GPR63: variants seen among roughly 807,000 people sequenced by gnomAD.
The protein encoded by GPR63 is G protein-coupled receptor 63, also known as probable G protein-coupled receptor 63.
A neutral mutation model predicts 23.1 loss-of-function variants in GPR63; 12 were observed. The observed-to-expected ratio is 0.52, with a 90% CI of 0.33 to 0.84. GPR63 has a LOEUF of 0.84. GPR63 is among the 40% of genes least tolerant of loss of function. GPR63 has a pLI of 0.02. For synonymous variants in GPR63, 172 were observed against 191.1 expected (o/e 0.90, Z 0.82); for missense variants, 472 against 515.6 (o/e 0.92, Z 0.82).
chr6:96,836,320 G>A (rs1242408021), intron 1 of GPR63, among the ~76,000 whole-genome samples: 1 of 152,096 alleles, frequency 6.6e-6, no homozygotes, highest in South Asian at 2.1e-4. Context: ...GAAACATGAG[G>A]TTTTTATCCA....
chr6:96,816,203 A>C (rs904271760), intron 1 of GPR63, among the ~76,000 whole-genome samples: 1 of 152,246 alleles, frequency 6.6e-6, no homozygotes, highest in Non-Finnish European at 1.5e-5. Context: ...CCATTGTTCG[A>C]AACAGTGTTC....
intron 1 of GPR63, among the ~76,000 whole-genome samples, chr6:96,809,705 A>C (rs548270097): frequency 6.6e-6 from 1 of 152,292 alleles, no homozygotes; most frequent in Non-Finnish European, 1.5e-5. Context: ...GGCCAACCTC[A>C]AGCTTTTCCT....
chr6:96,798,434 G>A lies in GPR63; in HGVS notation c.*38C>T. 3 of 1,592,462 alleles carry A rather than the reference G, an allele frequency of 1.9e-6. No homozygotes were observed. Among genetic ancestry groups the A allele is most frequent in the Non-Finnish European group, 8.6e-7 (1 of 1,168,334 alleles). The stretch of plus-strand genomic sequence containing the variant: ...AGAAAGAGAATTCAATGTCAATAAA[G>A]AACAAGCATCACCCAAAATGTCAGC... On this transcript the variant is annotated 3_prime_UTR_variant, in exon 2 of 2. Coordinates refer to ENST00000229955, the MANE Select transcript of GPR63 (RefSeq NM_030784.4).
chr6:96,809,835 T>C (rs1773995415), intron 1 of GPR63, among the ~76,000 whole-genome samples: 1 of 152,206 alleles, frequency 6.6e-6, no homozygotes, highest in Admixed American at 6.5e-5. Context: ...GACTCTCAAA[T>C]GTCCTTATCT....
chr6:96,828,162 G>A (rs915108592), intron 1 of GPR63, among the ~76,000 whole-genome samples: 1 of 152,132 alleles, frequency 6.6e-6, no homozygotes, highest in Non-Finnish European at 1.5e-5. Flanking sequence ...AGTTCTGGGG[G>A]CTAGAAGTCC....
chr6:96,816,317 A>G (rs1302651941), intron 1 of GPR63, among the ~76,000 whole-genome samples: 1 of 152,200 alleles, frequency 6.6e-6, no homozygotes, highest in East Asian at 1.9e-4. Flanking sequence ...TAGCAAGTTG[A>G]TACTCCACCA....
At position 96,796,541 on chromosome 6, in the gene GPR63, G is replaced by T. The variant is rs1026818033; in HGVS notation, c.*1931C>A. ...AGAGAAGCTGACCAAGGCCCTAGAT[G>T]CACCTGGGGGCAGACTGTCAGCAAG... On this transcript the variant is annotated 3_prime_UTR_variant, in exon 2 of 2. Transcript: ENST00000229955. The T allele has an allele frequency of 1.3e-5, 2 of 152,204 alleles. No homozygotes were observed. Among genetic ancestry groups the T allele is most frequent in the Non-Finnish European group, 2.9e-5 (2 of 68,034 alleles). 9.4% of individuals were successfully genotyped at this position (152,204 alleles called of 1,614,324 possible).
intron 1 of GPR63, among the ~76,000 whole-genome samples, chr6:96,803,983 A>G (rs1773835678): frequency 6.9e-6 from 1 of 145,740 alleles, no homozygotes; most frequent in Admixed American, 6.7e-5. Context: ...CATAATACAC[A>G]TGTTTATACA....
intron 1 of GPR63, among the ~76,000 whole-genome samples, chr6:96,815,168 G>A (rs1774132603): frequency 6.6e-6 from 1 of 152,136 alleles, no homozygotes. Flanking sequence ...AATGCTTCCA[G>A]GAGCGAGATA....
chr6:96,826,136 C>T (rs1363410136), intron 1 of GPR63, among the ~76,000 whole-genome samples: 1 of 152,000 alleles, frequency 6.6e-6, no homozygotes, highest in Non-Finnish European at 1.5e-5. Context: ...CCATCTTTAA[C>T]TTGCTTTTGA....
At chr6:96,809,481 A>C (rs1773985235) in intron 1 of GPR63, among the ~76,000 whole-genome samples, 1 of 152,180 alleles carries the variant, frequency 6.6e-6, no homozygotes, top group Non-Finnish European at 1.5e-5. Context: ...TTAGATATAG[A>C]TATATGCATG....
intron 1 of GPR63, among the ~76,000 whole-genome samples, chr6:96,807,715 T>C (rs746282587): frequency 6.6e-6 from 1 of 152,158 alleles, no homozygotes; most frequent in East Asian, 1.9e-4. Flanking sequence ...CATAAAGGAA[T>C]AGACATATCA....
At chr6:96,833,342 T>C (rs1774639894) in intron 1 of GPR63, among the ~76,000 whole-genome samples, 1 of 152,232 alleles carries the variant, frequency 6.6e-6, no homozygotes. Context: ...GGGATAGATT[T>C]AATTGATTCT....
rs1313946115 is a variant in GPR63 at position 96,799,644 on chromosome 6, T to C, written c.88A>G (p.Thr30Ala). The change falls in exon 2 of 2, where the codon ACA becomes GCA. Residue 30 changes from threonine to alanine, a missense_variant. Transcript: ENST00000229955. ...VVYENTYMNI[T>A]LPPPFQHPDL... ...GGATGCTGGAATGGTGGAGGGAGTG[T>C]AATATTCATGTAGGTGTTTTCATAC... 1 of 1,614,076 alleles carries C rather than the reference T, an allele frequency of 6.2e-7. No homozygotes were observed. Among genetic ancestry groups the C allele is most frequent in the Non-Finnish European group, 8.5e-7 (1 of 1,179,990 alleles).
At chr6:96,826,767 C>T (rs1426315537) in intron 1 of GPR63, among the ~76,000 whole-genome samples, 1 of 151,892 alleles carries the variant, frequency 6.6e-6, no homozygotes, top group African/African-American at 2.4e-5. Flanking sequence ...ATAAACTCTA[C>T]CATGTCAAAA....
intron 1 of GPR63, among the ~76,000 whole-genome samples, chr6:96,824,053 G>GTA (rs5878449): frequency 0.28 from 42,354 of 151,738 alleles, 5,948 homozygotes; most frequent in South Asian, 0.31. Flanking sequence ...CTCTATGATA[G>GTA]TATGGTATTA....
chr6:96,836,728 C>A (rs987084026), intron 1 of GPR63, among the ~76,000 whole-genome samples: 1 of 152,144 alleles, frequency 6.6e-6, no homozygotes, highest in Admixed American at 6.5e-5. Context: ...GGATGCAACA[C>A]ACAGCGCCGC....
At chr6:96,824,640 T>TC (rs1774393696) in intron 1 of GPR63, among the ~76,000 whole-genome samples, 1 of 78,904 alleles carries the variant, frequency 1.3e-5, no homozygotes, top group African/African-American at 5.4e-5. Flanking sequence ...TTTTGAACTT[T>TC]TAAAAAAATG....
intron 1 of GPR63, among the ~76,000 whole-genome samples, chr6:96,832,432 C>CTTTTT (rs35248428): frequency 6.9e-6 from 1 of 144,688 alleles, no homozygotes; most frequent in Non-Finnish European, 1.5e-5. Flanking sequence ...ACCTGACTAA[C>CTTTTT]TTTTTTTTTT....
Sources: allele counts gnomAD v4.1 joint callset (sites outside exome capture counted in the v4.1 genomes callset), GRCh38; gene constraint gnomAD v4.1.1; transcripts MANE v1.5; gene names NCBI Gene and HGNC (gene_info 2026-07-23, HGNC 2026-07-21).